The following MDN1 variants were observed in gnomAD, a reference collection of about 807,000 sequenced individuals.
MDN1 encodes the protein midasin AAA ATPase 1, also known as midasin.
Under a neutral mutation model 669.2 loss-of-function variants are expected in MDN1, and 266 were observed. The ratio of observed to expected loss-of-function variants is 0.40; its 90% CI spans 0.36 to 0.44. The LOEUF is 0.44. Ranked by LOEUF, MDN1 falls within the 20% of genes least tolerant of loss-of-function variation. MDN1 has a pLI of 1.00. For synonymous variants in MDN1, 2,385 were observed against 2,457.1 expected, an observed-to-expected ratio of 0.97 and a Z score of 0.87; for missense variants, 5,940 against 6,754.0, an observed-to-expected ratio of 0.88 and a Z score of 4.22.
intron 37 of MDN1, among the ~76,000 whole-genome samples, chr6:89,725,740 CTTT>C (rs11371433): frequency 2.2e-5 from 3 of 137,256 alleles, no homozygotes; most frequent in Admixed American, 7.3e-5. Context: ...CCAGCTAATT[CTTT>C]TTTTTTTTTT....
chr6:89,679,633 G>A (rs1004117358), intron 74 of MDN1, among the ~76,000 whole-genome samples: 3 of 152,214 alleles, frequency 2.0e-5, no homozygotes, highest in East Asian at 1.9e-4. Context: ...AGGACACAGT[G>A]AGAAGGTGGC....
At chr6:89,688,195 T>C (rs1812149641) in intron 66 of MDN1, 22 bp from the exon 67 acceptor site, 1 of 1,601,328 alleles carries the variant, frequency 6.2e-7, no homozygotes, top group African/African-American at 1.3e-5. Flanking sequence ...AAGATTTGGG[T>C]ATCTCAGTAG....
At chr6:89,811,722 G>A (rs1768431987) in intron 1 of MDN1, among the ~76,000 whole-genome samples, 1 of 152,032 alleles carries the variant, frequency 6.6e-6, no homozygotes, top group Non-Finnish European at 1.5e-5. Flanking sequence ...GGGATTATAG[G>A]TGTGAGCCAC....
chr6:89,683,775 T>C (rs905959438), intron 72 of MDN1, 56 bp downstream of exon 72: 36 of 1,379,190 alleles, frequency 2.6e-5, no homozygotes, highest in Admixed American at 8.5e-5. Flanking sequence ...TTTTGCTCCC[T>C]ACCACACAAA....
intron 38 of MDN1, among the ~76,000 whole-genome samples, chr6:89,724,107 C>T (rs1247745743): frequency 6.6e-6 from 1 of 151,720 alleles, no homozygotes; most frequent in Non-Finnish European, 1.5e-5. Context: ...CACGCCACTG[C>T]ACTCCAGCCT....
At chr6:89,696,851 A>T (rs1252656757) in intron 59 of MDN1, among the ~76,000 whole-genome samples, 1 of 152,190 alleles carries the variant, frequency 6.6e-6, no homozygotes, top group Non-Finnish European at 1.5e-5. Context: ...AGGGAAAGAA[A>T]CACACTGCAG....
At chr6:89,796,234 G>A (rs1819583109) in intron 2 of MDN1, among the ~76,000 whole-genome samples, 1 of 137,656 alleles carries the variant, frequency 7.3e-6, no homozygotes, top group Non-Finnish European at 1.5e-5. Flanking sequence ...TGAGGCAGGA[G>A]AATCACTTGA....
At chr6:89,782,808 A>C (rs1015341854) in intron 9 of MDN1, among the ~76,000 whole-genome samples, 8 of 152,058 alleles carry the variant, frequency 5.3e-5, no homozygotes, top group African/African-American at 1.7e-4. Context: ...GCATGGTGGC[A>C]TGTTGCGGGA....
intron 2 of MDN1, among the ~76,000 whole-genome samples, chr6:89,798,181 CAAAAAAAA>C (rs10706907): frequency 1.1e-4 from 8 of 71,526 alleles, no homozygotes; most frequent in South Asian, 5.4e-4. Context: ...GACTCTGTCT[CAAAAAAAA>C]AAAAAAAAAA....
At chr6:89,762,890 A>G (rs887035568) in intron 15 of MDN1, among the ~76,000 whole-genome samples, 3 of 152,056 alleles carry the variant, frequency 2.0e-5, no homozygotes, top group African/African-American at 4.8e-5. Flanking sequence ...CCCTGTTTCT[A>G]CAAAAAAATA....
At chr6:89,773,401 G>T (rs113871468) in intron 13 of MDN1, among the ~76,000 whole-genome samples, 7 of 151,914 alleles carry the variant, frequency 4.6e-5, no homozygotes, top group Admixed American at 1.3e-4. Context: ...TTACCCAGGC[G>T]TGGTGGTGGA....
chr6:89,762,083 T>G (rs1297552098), intron 16 of MDN1, among the ~76,000 whole-genome samples: 1 of 152,178 alleles, frequency 6.6e-6, no homozygotes, highest in Non-Finnish European at 1.5e-5. Flanking sequence ...GAAATAAGCT[T>G]TTTCTGAGGA....
At chr6:89,796,343 A>AC (rs71024401) in intron 2 of MDN1, among the ~76,000 whole-genome samples, 16 of 148,332 alleles carry the variant, frequency 1.1e-4, no homozygotes, top group East Asian at 4.0e-4. Flanking sequence ...AAAAAAAAAA[A>AC]AAAAAAACAA....
Position 89,698,918 on chromosome 6 carries a change from G to A in MDN1, c.9115C>T (p.Pro3039Ser). ...GGTGCCTCCCTCTGCTGCATACCAG[G>A]CAAAGGGTTCCACATTAGCCAGTAC... ...PEYWLMWNPL[P>S]GMQQREAPKS... is the part of the protein sequence containing the mutation. The change falls in exon 59 of 102, where the codon CCT (proline) becomes TCT (serine). Residue 3039 changes from proline to serine, a missense_variant. Pro to Ser is a moderately conservative substitution (Grantham distance 74). Around this residue, in one of 5 missense-constraint regions of MDN1, gnomAD observed 2,292 missense variants for 2,638.3 expected, o/e 0.87. Transcript: ENST00000369393. 4 of 1,614,070 alleles carry A rather than the reference G, an allele frequency of 2.5e-6. No homozygotes were observed. The highest frequency in any genetic ancestry group is 3.4e-6 in the Non-Finnish European group (4 of 1,180,004).
intron 77 of MDN1, 99 bp downstream of exon 77, chr6:89,676,003 G>A (rs1811152561): frequency 9.7e-7 from 1 of 1,030,886 alleles, no homozygotes; most frequent in African/African-American, 1.6e-5. Flanking sequence ...TCCACTAACA[G>A]GCTGTTATCA....
Position 89,750,391 on chromosome 6 carries a change from G to A in MDN1, c.3369C>T (p.Tyr1123=). The A allele has an allele frequency of 6.2e-7, 1 of 1,613,478 alleles. No homozygotes were observed. The highest frequency in any genetic ancestry group is 8.5e-7 in the Non-Finnish European group (1 of 1,179,440). The change falls in exon 24 of 102, where the codon TAC becomes TAT. Residue 1123 remains tyrosine, a synonymous_variant. Coordinates refer to ENST00000369393, the MANE Select transcript of MDN1 (RefSeq NM_014611.3). ...CAAGCTTCCCTGAGGAGTCAGACGT[G>A]TAACAACCAATGTACTCCTGAATAT... The part of the protein sequence containing the change: ...HTDIQEYIGC[Y]TSDSSGKLVF...
intron 12 of MDN1, 75 bp downstream of exon 12, chr6:89,776,525 C>T: frequency 8.9e-7 from 1 of 1,127,774 alleles, no homozygotes; most frequent in East Asian, 2.4e-5. Flanking sequence ...CAACTAAGGA[C>T]TAGAGACCAG....
chr6:89,676,920 T>TATAC (rs1277507417), intron 76 of MDN1, among the ~76,000 whole-genome samples: 2 of 150,320 alleles, frequency 1.3e-5, no homozygotes, highest in Non-Finnish European at 2.9e-5. Context: ...TTATGAGGAG[T>TATAC]GTATGTATAT....
At chr6:89,752,411 G>A (rs185484265) in intron 22 of MDN1, among the ~76,000 whole-genome samples, 1 of 152,218 alleles carries the variant, frequency 6.6e-6, no homozygotes, top group East Asian at 1.9e-4. Flanking sequence ...AAGTATTTAC[G>A]CATGTGTTAC....
Sources: gnomAD v4.1 joint callset for allele counts (sites outside exome capture counted in the v4.1 genomes callset) on GRCh38, gnomAD v4.1.1 for gene constraint, gnomAD v4.1.1 regional missense constraint, MANE v1.5 for transcripts, NCBI Gene and HGNC (gene_info 2026-07-23, HGNC 2026-07-21) for gene names.